MSI2: variants seen among roughly 807,000 people sequenced by gnomAD.
The protein encoded by MSI2 is RNA-binding protein Musashi homolog 2.
In MSI2, 17 loss-of-function variants were observed where a neutral mutation model predicts 45.6. The ratio of observed to expected loss-of-function variants is 0.37; its 90% confidence interval spans 0.26 to 0.56. The LOEUF is 0.56. MSI2 is among the 20% of genes least tolerant of loss of function. The pLI, the probability that MSI2 is intolerant of heterozygous loss-of-function variation, is 0.77. For missense variants in MSI2, 293 were observed against 444.2 expected (o/e 0.66, Z 3.06); for synonymous variants, 156 against 158.2 (o/e 0.99, Z 0.11).
chr17:57,481,666 G>T (rs1418373802), intron 6 of MSI2, among the ~76,000 whole-genome samples: 1 of 152,206 alleles, frequency 6.6e-6, no homozygotes, highest in African/African-American at 2.4e-5. Flanking sequence ...ATTTGAAAAT[G>T]TAAAGCTTAT....
At chr17:57,527,568 G>C (rs886095472) in intron 6 of MSI2, among the ~76,000 whole-genome samples, 1 of 152,246 alleles carries the variant, frequency 6.6e-6, no homozygotes, top group African/African-American at 2.4e-5. Context: ...TGGTGCCTGG[G>C]AGAGAGGGGG....
chr17:57,363,198 G>C (rs540344716), intron 5 of MSI2, among the ~76,000 whole-genome samples: 1 of 152,336 alleles, frequency 6.6e-6, no homozygotes, highest in Admixed American at 6.5e-5. Context: ...AGGCAATTCC[G>C]ATAGATGCTA....
intron 5 of MSI2, among the ~76,000 whole-genome samples, chr17:57,269,919 T>C (rs1447275368): frequency 6.6e-6 from 1 of 152,078 alleles, no homozygotes; most frequent in African/African-American, 2.4e-5. Context: ...TGCGCAGGTG[T>C]GGTCTTGGGG....
At chr17:57,646,110 C>T (rs1910637878) in intron 10 of MSI2, among the ~76,000 whole-genome samples, 1 of 152,172 alleles carries the variant, frequency 6.6e-6, no homozygotes, top group Admixed American at 6.5e-5. Context: ...AACTGATGCT[C>T]ATTGACAGTC....
intron 10 of MSI2, among the ~76,000 whole-genome samples, chr17:57,635,329 CAG>C (rs752164692): frequency 7.2e-5 from 11 of 152,238 alleles, no homozygotes; most frequent in Non-Finnish European, 1.6e-4. Flanking sequence ...CATAGTGAGT[CAG>C]AGGGGTTTGG....
rs2087323747 is a variant in MSI2 at position 57,552,240 on chromosome 17, G to A, written c.454+22516G>A. ...ACAGAGTAACGCACATAACCCATGG[G>A]GGAGTTGCAGCGGTCTAATTGAAGT... On this transcript the variant is annotated intron_variant, in intron 7 of 13. Coordinates refer to ENST00000284073, the MANE Select transcript of MSI2 (RefSeq NM_138962.4). The surrounding 1 kb of genome is among the most constrained non-coding windows in gnomAD (Gnocchi z 4.3). Among the ~76,000 whole-genome samples, 1 of 152,216 alleles carries A rather than the reference G, an allele frequency of 6.6e-6. No homozygotes were observed. The highest frequency in any genetic ancestry group is 1.5e-5 in the Non-Finnish European group (1 of 68,036).
chr17:57,589,995 A>G (rs758732638), intron 7 of MSI2, among the ~76,000 whole-genome samples: 6 of 152,262 alleles, frequency 3.9e-5, no homozygotes, highest in Non-Finnish European at 8.8e-5. Context: ...GAAGCAACCC[A>G]TGAATATTGC....
chr17:57,512,284 A>C (rs2086372799), intron 6 of MSI2, among the ~76,000 whole-genome samples: 1 of 152,120 alleles, frequency 6.6e-6, no homozygotes, highest in African/African-American at 2.4e-5. Context: ...TTTTCAAATG[A>C]ATGAATGGAT....
At chr17:57,459,830 C>CA (rs1043441527) in intron 6 of MSI2, among the ~76,000 whole-genome samples, 4 of 151,414 alleles carry the variant, frequency 2.6e-5, no homozygotes, top group South Asian at 2.1e-4. Flanking sequence ...TTCATCTCTA[C>CA]AAAAAATTAA....
intron 5 of MSI2, among the ~76,000 whole-genome samples, chr17:57,296,948 C>T (rs1200602122): frequency 4.6e-5 from 7 of 152,206 alleles, no homozygotes; most frequent in African/African-American, 9.7e-5. Context: ...GATCTCTGCT[C>T]ACTGCAAGCT....
Position 57,257,725 on chromosome 17 carries a change from A to C in MSI2, c.185+178A>C, listed in dbSNP as rs187849735. On this transcript the variant is annotated intron_variant, in intron 3 of 13. Transcript: ENST00000284073. ...CTAGTAACCCCAGAGGTTATTGTTA[A>C]TTGGAGCTGAACTCTGGATACAGAG... Among the ~76,000 whole-genome samples, 18 of 151,838 alleles carry C rather than the reference A, an allele frequency of 1.2e-4. No homozygotes were observed. In the East Asian group the frequency reaches 3.5e-3, roughly 29 times the overall value.
intron 9 of MSI2, among the ~76,000 whole-genome samples, chr17:57,616,925 G>A (rs1181455953): frequency 1.3e-5 from 2 of 152,166 alleles, no homozygotes; most frequent in African/African-American, 2.4e-5. Context: ...TGGGATAAAT[G>A]GTAGTTAATG....
chr17:57,385,387 T>C (rs891437462), intron 5 of MSI2, among the ~76,000 whole-genome samples: 6 of 152,212 alleles, frequency 3.9e-5, no homozygotes, highest in Non-Finnish European at 8.8e-5. Context: ...GCAATGATAT[T>C]CCATGCTGCT....
chr17:57,572,369 T>G (rs2144316040), intron 7 of MSI2, among the ~76,000 whole-genome samples: 1 of 152,350 alleles, frequency 6.6e-6, no homozygotes, highest in African/African-American at 2.4e-5. Flanking sequence ...CATAGAAGCC[T>G]CTGGGATTAG....
chr17:57,526,376 TG>T (rs2086699578), intron 6 of MSI2, among the ~76,000 whole-genome samples: 1 of 86,344 alleles, frequency 1.2e-5, no homozygotes, highest in Non-Finnish European at 2.2e-5. Flanking sequence ...TGTGTGTGTG[TG>T]TGTGTGTGTG....
rs1275751308 is a variant in MSI2 at position 57,682,608 on chromosome 17, G to A, written c.*3091G>A. 2.4e-5 allele frequency: 5 copies of A among 209,610 alleles called. No individual in the cohort carries two copies. Among genetic ancestry groups the A allele is most frequent in the Non-Finnish European group, 4.8e-5 (5 of 104,578 alleles). 13.0% of individuals were successfully genotyped at this position (209,610 alleles called of 1,614,324 possible). A position where few individuals can be genotyped will look rare whatever the true frequency, so the allele number is the denominator to read the frequency against. On this transcript the variant is annotated 3_prime_UTR_variant, in exon 14 of 14. Transcript: ENST00000284073. ...GTGGCTACCTAGGTTTAAGGTTCAC[G>A]TTAGTCCCCCCATTCCATCTAGAAG...
At chr17:57,303,134 A>G (rs954371292) in intron 5 of MSI2, among the ~76,000 whole-genome samples, 5 of 152,172 alleles carry the variant, frequency 3.3e-5, no homozygotes, top group Non-Finnish European at 5.9e-5. Context: ...TGAGGGACCC[A>G]TTGGCCAGGG....
intron 5 of MSI2, among the ~76,000 whole-genome samples, chr17:57,315,111 G>A (rs941332287): frequency 1.3e-5 from 2 of 152,174 alleles, no homozygotes; most frequent in African/African-American, 4.8e-5. Flanking sequence ...TTTGGGCAGT[G>A]GGGAGCCAGG....
intron 6 of MSI2, among the ~76,000 whole-genome samples, chr17:57,423,242 C>T (rs1567815130): frequency 6.6e-6 from 1 of 152,218 alleles, no homozygotes; most frequent in African/African-American, 2.4e-5. Context: ...GTGCAGCTTG[C>T]AACCCAGCAG....
Sources: gnomAD v4.1 joint callset for allele counts (sites outside exome capture counted in the v4.1 genomes callset) on GRCh38, gnomAD v4.1.1 for gene constraint, Gnocchi (gnomAD v3.1) non-coding constraint, MANE v1.5 for transcripts, NCBI Gene and HGNC (gene_info 2026-07-23, HGNC 2026-07-21) for gene names.